Variants in INPP4B observed in about 807,000 individuals in gnomAD.
INPP4B encodes inositol polyphosphate 4-phosphatase type II.
In INPP4B, 55 loss-of-function variants were observed where a neutral mutation model predicts 122.5. That is an observed-to-expected ratio of 0.45 (90% CI 0.36 to 0.56). The LOEUF (loss-of-function observed/expected upper bound fraction) is 0.56. INPP4B is among the 20% of genes least tolerant of loss of function. The probability of loss-of-function intolerance (pLI) is 0.00; values close to 1 mark genes in which losing one functional copy is unlikely to be tolerated. For missense variants in INPP4B, 1,000 were observed against 1,097.7 expected (o/e 0.91, Z 1.26); for synonymous variants, 403 against 388.7 (o/e 1.04, Z -0.43).
intron 25 of INPP4B, among the ~76,000 whole-genome samples, chr4:142,075,876 C>T (rs1770416886): frequency 6.6e-6 from 1 of 152,012 alleles, no homozygotes; most frequent in African/African-American, 2.4e-5. Context: ...GAATTAACTC[C>T]AGGTCTTCCT....
At chr4:142,759,467 G>T (rs1770978891) in intron 1 of INPP4B, among the ~76,000 whole-genome samples, 1 of 152,008 alleles carries the variant, frequency 6.6e-6, no homozygotes, top group South Asian at 2.1e-4. Flanking sequence ...AATCTTTGAT[G>T]ATATCAACTC....
intron 7 of INPP4B, among the ~76,000 whole-genome samples, chr4:142,320,154 C>T (rs1212464897): frequency 1.3e-5 from 2 of 152,198 alleles, no homozygotes; most frequent in Non-Finnish European, 2.9e-5. Context: ...CATGCTCCCT[C>T]CTCCATTAAA....
chr4:142,138,058 A>T (rs1274080183), intron 18 of INPP4B, among the ~76,000 whole-genome samples: 3 of 152,036 alleles, frequency 2.0e-5, no homozygotes, highest in Non-Finnish European at 4.4e-5. Flanking sequence ...AGGACTATAA[A>T]TCATGCTGCT....
intron 21 of INPP4B, 147 bp from the exon 22 acceptor site, chr4:142,112,829 T>A (rs1561159717): frequency 1.6e-6 from 1 of 612,680 alleles, no homozygotes; most frequent in African/African-American, 1.9e-5. Context: ...CATTCATTCA[T>A]CTCCTTATTA....
At chr4:142,102,622 G>GT (rs1785049837) in intron 23 of INPP4B, among the ~76,000 whole-genome samples, 1 of 151,988 alleles carries the variant, frequency 6.6e-6, no homozygotes, top group African/African-American at 2.4e-5. Context: ...AGTTTTCTGT[G>GT]ACCTTTTGCT....
intron 2 of INPP4B, among the ~76,000 whole-genome samples, chr4:142,629,790 A>ATTC (rs1279540037): frequency 1.3e-5 from 2 of 152,092 alleles, no homozygotes; most frequent in Admixed American, 1.3e-4. Flanking sequence ...TATAGGGGTT[A>ATTC]TTCTTGCCCT....
chr4:142,716,458 A>C (rs1763780877), intron 2 of INPP4B, among the ~76,000 whole-genome samples: 1 of 152,086 alleles, frequency 6.6e-6, no homozygotes, highest in South Asian at 2.1e-4. Context: ...TTTTCTTTTA[A>C]TTTTTAACTG....
chr4:142,065,130 G>A (rs1762848188), intron 25 of INPP4B, among the ~76,000 whole-genome samples: 1 of 152,044 alleles, frequency 6.6e-6, no homozygotes, highest in Non-Finnish European at 1.5e-5. Context: ...ATTTAAGGCA[G>A]TTTACATTGA....
chr4:142,715,502 C>T (rs1763648580), intron 2 of INPP4B, among the ~76,000 whole-genome samples: 1 of 152,098 alleles, frequency 6.6e-6, no homozygotes, highest in South Asian at 2.1e-4. Context: ...GATCTCCAAC[C>T]CCATTTTCAT....
At chr4:142,663,433 T>C (rs993945426) in intron 2 of INPP4B, among the ~76,000 whole-genome samples, 1 of 152,104 alleles carries the variant, frequency 6.6e-6, no homozygotes, top group African/African-American at 2.4e-5. Flanking sequence ...CACATTTTAA[T>C]ATAGATATAT....
At chr4:142,482,514 C>T (rs1354696392) in intron 2 of INPP4B, among the ~76,000 whole-genome samples, 1 of 152,150 alleles carries the variant, frequency 6.6e-6, no homozygotes, top group Non-Finnish European at 1.5e-5. Flanking sequence ...ATGTATTGAT[C>T]ACCATCCCTC....
In INPP4B at chr4:142,271,272, T is replaced by C. The variant is rs1745684859; in HGVS notation, c.504-498A>G. 3.9e-5 allele frequency among the ~76,000 whole-genome samples: 6 copies of C among 152,246 alleles called. No homozygotes were observed. The South Asian group carries it at 1.0e-3, about 26-fold the overall frequency. ...ATTTGAAATTAAAATTATCCATGAA[T>C]GTGTGAGGTAAGAGCACGGACTGTC... On this transcript the variant is annotated intron_variant, in intron 9 of 25. Coordinates refer to ENST00000262992, the MANE Select transcript of INPP4B (RefSeq NM_001101669.3).
intron 16 of INPP4B, 42 bp from the exon 17 acceptor site, chr4:142,160,603 A>C (rs368248351): frequency 1.8e-4 from 268 of 1,462,496 alleles, no homozygotes; most frequent in Non-Finnish European, 2.4e-4. Context: ...CTTGGTAGGC[A>C]TCTCAGCATA....
At chr4:142,537,846 T>C (rs1580317862) in intron 2 of INPP4B, among the ~76,000 whole-genome samples, 1 of 151,844 alleles carries the variant, frequency 6.6e-6, no homozygotes, top group African/African-American at 2.4e-5. Flanking sequence ...TTAATAATTA[T>C]TGCAAAACTT....
At chr4:142,400,131 A>T (rs963099243) in intron 7 of INPP4B, among the ~76,000 whole-genome samples, 2 of 152,220 alleles carry the variant, frequency 1.3e-5, no homozygotes, top group Non-Finnish European at 2.9e-5. Context: ...AAAAACATCT[A>T]GTACAAATAT....
chr4:142,837,708 T>A (rs1159787836), intron 1 of INPP4B, among the ~76,000 whole-genome samples: 1 of 152,184 alleles, frequency 6.6e-6, no homozygotes, highest in African/African-American at 2.4e-5. Flanking sequence ...AAATGATTTA[T>A]ATCTTCCAGA....
chr4:142,038,080 G>C (rs1004391476), intron 25 of INPP4B, among the ~76,000 whole-genome samples: 1 of 152,188 alleles, frequency 6.6e-6, no homozygotes, highest in East Asian at 1.9e-4. Flanking sequence ...TCAATGTCCA[G>C]GAAGTTAAAT....
intron 25 of INPP4B, among the ~76,000 whole-genome samples, chr4:142,056,366 C>G (rs1183646543): frequency 6.6e-6 from 1 of 152,128 alleles, no homozygotes; most frequent in Non-Finnish European, 1.5e-5. Context: ...TTAAGTAAAT[C>G]TGACTTAAAA....
intron 23 of INPP4B, among the ~76,000 whole-genome samples, chr4:142,089,566 T>C (rs867814146): frequency 2.0e-5 from 3 of 152,044 alleles, no homozygotes; most frequent in Admixed American, 6.6e-5. Context: ...ATAATGGATA[T>C]GTATCATACA....
Sources: allele counts gnomAD v4.1 joint callset (sites outside exome capture counted in the v4.1 genomes callset), GRCh38; gene constraint gnomAD v4.1.1; transcripts MANE v1.5; gene names NCBI Gene and HGNC (gene_info 2026-07-23, HGNC 2026-07-21).